Variants in CRPPA observed in about 807,000 individuals in gnomAD.
The protein encoded by CRPPA is D-ribitol-5-phosphate cytidylyltransferase.
A neutral mutation model predicts 52.0 loss-of-function variants in CRPPA; 43 were observed. The ratio of observed to expected loss-of-function variants is 0.83; its 90% CI spans 0.65 to 1.07. The LOEUF (loss-of-function observed/expected upper bound fraction) is 1.07, where lower values mean the gene tolerates loss of function less well. CRPPA is among the 50% of genes least tolerant of loss of function. The pLI is 0.00. For missense variants in CRPPA, 629 were observed against 551.7 expected, an observed-to-expected ratio of 1.14 and a Z score of -1.40; for synonymous variants, 250 against 203.5, an observed-to-expected ratio of 1.23 and a Z score of -1.94.
intron 9 of CRPPA, among the ~76,000 whole-genome samples, chr7:16,106,655 C>T (rs1372081091): frequency 2.6e-5 from 4 of 152,188 alleles, no homozygotes; most frequent in African/African-American, 9.7e-5. Flanking sequence ...CTAAAGAACA[C>T]CTCTTAGGCT....
intron 3 of CRPPA, among the ~76,000 whole-genome samples, chr7:16,339,147 A>G (rs956124397): frequency 1.3e-5 from 2 of 152,092 alleles, no homozygotes; most frequent in Non-Finnish European, 2.9e-5. Flanking sequence ...ATTCTCTACA[A>G]TCTCTTTCAG....
chr7:16,146,275 A>G (rs908200701), intron 9 of CRPPA, among the ~76,000 whole-genome samples: 11 of 151,920 alleles, frequency 7.2e-5, no homozygotes, highest in African/African-American at 2.7e-4. Flanking sequence ...GTGGAGAGAT[A>G]AAGACTTTCC....
chr7:16,324,823 T>C (rs190098462), intron 3 of CRPPA, among the ~76,000 whole-genome samples: 15 of 152,338 alleles, frequency 9.8e-5, no homozygotes, highest in African/African-American at 3.1e-4. Context: ...TATCCACTTT[T>C]GCTCCCATAC....
chr7:16,273,872 C>T (rs747027177), intron 6 of CRPPA, among the ~76,000 whole-genome samples: 1 of 152,124 alleles, frequency 6.6e-6, no homozygotes, highest in Non-Finnish European at 1.5e-5. Context: ...AAGGACTTGT[C>T]CTGGCCTCTG....
At chr7:16,171,058 T>C (rs13230369) in intron 9 of CRPPA, among the ~76,000 whole-genome samples, 123,576 of 152,198 alleles carry the variant, frequency 0.81, 51,076 homozygotes, top group Admixed American at 0.89. Context: ...TCAAGCGTGG[T>C]CAGAGTGGAC....
At chr7:16,186,712 T>A (rs1465980332) in intron 9 of CRPPA, among the ~76,000 whole-genome samples, 2 of 152,220 alleles carry the variant, frequency 1.3e-5, no homozygotes, top group Non-Finnish European at 2.9e-5. Flanking sequence ...ACAATTTATA[T>A]GTTTTAAATA....
chr7:16,140,545 A>G (rs966564005), intron 9 of CRPPA, among the ~76,000 whole-genome samples: 1 of 152,226 alleles, frequency 6.6e-6, no homozygotes, highest in Non-Finnish European at 1.5e-5. Flanking sequence ...TGGATATAAC[A>G]TAAAAAGTTG....
At chr7:16,338,813 C>CTTT (rs59732453) in intron 3 of CRPPA, among the ~76,000 whole-genome samples, 1 of 116,510 alleles carries the variant, frequency 8.6e-6, no homozygotes. Flanking sequence ...TTCTAGCAAA[C>CTTT]TTTTTTTTTT....
At chr7:16,410,859 C>T (rs1156966441) in intron 1 of CRPPA, among the ~76,000 whole-genome samples, 1 of 152,186 alleles carries the variant, frequency 6.6e-6, no homozygotes, top group East Asian at 1.9e-4. Context: ...GTCTTTCATA[C>T]TCATCAGTTC....
At chr7:16,324,893 A>G (rs1205244080) in intron 3 of CRPPA, among the ~76,000 whole-genome samples, 1 of 152,228 alleles carries the variant, frequency 6.6e-6, no homozygotes, top group Non-Finnish European at 1.5e-5. Context: ...TACTACAGAT[A>G]TTGAGTACTC....
chr7:16,173,274 T>C (rs1452165605), intron 9 of CRPPA, among the ~76,000 whole-genome samples: 1 of 152,214 alleles, frequency 6.6e-6, no homozygotes, highest in Non-Finnish European at 1.5e-5. Context: ...CTAGGGAATA[T>C]GCTAATTGGT....
chr7:16,202,538 G>A (rs1183374965), intron 9 of CRPPA, among the ~76,000 whole-genome samples: 1 of 152,156 alleles, frequency 6.6e-6, no homozygotes, highest in African/African-American at 2.4e-5. Flanking sequence ...AAAACATCCT[G>A]TCTTGTTTGG....
intron 5 of CRPPA, among the ~76,000 whole-genome samples, chr7:16,289,092 T>C (rs981609724): frequency 2.0e-5 from 3 of 151,940 alleles, no homozygotes; most frequent in Non-Finnish European, 4.4e-5. Context: ...TGCTGATAAA[T>C]TGGAACACTT....
chr7:16,265,051 C>T (rs1287228374), intron 6 of CRPPA, among the ~76,000 whole-genome samples: 1 of 152,182 alleles, frequency 6.6e-6, no homozygotes, highest in Non-Finnish European at 1.5e-5. Flanking sequence ...TCCAAGATGT[C>T]TTCTCTATAG....
chr7:16,239,960 C>A (rs946630028), intron 8 of CRPPA, among the ~76,000 whole-genome samples: 2 of 152,044 alleles, frequency 1.3e-5, no homozygotes, highest in African/African-American at 4.8e-5. Flanking sequence ...AAATAACTTA[C>A]CATTAAAAGA....
intron 9 of CRPPA, among the ~76,000 whole-genome samples, chr7:16,107,856 T>C (rs560107465): frequency 6.6e-6 from 1 of 151,910 alleles, no homozygotes. Context: ...ACATCAAAAA[T>C]ATAAAATGTA....
chr7:16,398,673 C>G (rs952185183), intron 2 of CRPPA, among the ~76,000 whole-genome samples: 1 of 152,050 alleles, frequency 6.6e-6, no homozygotes, highest in Non-Finnish European at 1.5e-5. Context: ...CTTTGTGACA[C>G]GTGACATGTG....
intron 8 of CRPPA, among the ~76,000 whole-genome samples, chr7:16,231,565 C>T (rs536355024): frequency 6.6e-6 from 1 of 152,298 alleles, no homozygotes; most frequent in East Asian, 1.9e-4. Flanking sequence ...AACGTTACTA[C>T]TTAAAATCCC....
intron 2 of CRPPA, among the ~76,000 whole-genome samples, chr7:16,400,434 G>A (rs1042038860): frequency 3.3e-5 from 5 of 152,144 alleles, no homozygotes; most frequent in Admixed American, 6.5e-5. Context: ...ACATATGATC[G>A]ACTTGTGATC....
Sources: allele counts gnomAD v4.1 joint callset (sites outside exome capture counted in the v4.1 genomes callset), GRCh38; gene constraint gnomAD v4.1.1; transcripts MANE v1.5; gene names NCBI Gene and HGNC (gene_info 2026-07-23, HGNC 2026-07-21).